Variants in HDAC1 observed in about 807,000 individuals in gnomAD.
HDAC1 encodes protein deacetylase HDAC1.
Under a neutral mutation model 65.5 loss-of-function variants are expected in HDAC1, and 18 were observed. The observed-to-expected ratio is 0.27, with a 90% CI of 0.19 to 0.41. The LOEUF is 0.41. Among genes scored for constraint, HDAC1 ranks in the 10% least tolerant of loss-of-function variants. HDAC1 has a pLI of 1.00. For synonymous variants in HDAC1, 211 were observed against 227.9 expected (o/e 0.93, Z 0.67); for missense variants, 373 against 625.2 (o/e 0.60, Z 4.30).
chr1:32,315,205 G>A (rs140034919), intron 2 of HDAC1, among the ~76,000 whole-genome samples: 15 of 152,296 alleles, frequency 9.8e-5, no homozygotes, highest in Non-Finnish European at 2.1e-4. Flanking sequence ...GGAAGTGTTA[G>A]TGGGGAGGAT....
Position 32,329,228 on chromosome 1 carries a change from A to T in HDAC1, c.729+68A>T. On this transcript the variant is annotated intron_variant, in intron 7 of 13. Coordinates refer to ENST00000373548, the MANE Select transcript of HDAC1 (RefSeq NM_004964.3). The surrounding 1 kb of genome is among the most constrained non-coding windows in gnomAD (Gnocchi z 4.1). ...GGTTGGCGGTGGAGGGGAGCAAAGC[A>T]CCCCCACCATACCTCAGGAATCTCT... 2.2e-6 allele frequency: 2 copies of T among 899,430 alleles called. No homozygotes were observed. Among genetic ancestry groups the T allele is most frequent in the Non-Finnish European group, 3.8e-6 (2 of 528,768 alleles). 55.7% of individuals were successfully genotyped at this position (899,430 alleles called of 1,614,324 possible). A position where few individuals can be genotyped will look rare whatever the true frequency, so the allele number is the denominator to read the frequency against.
At chr1:32,320,612 T>C (rs1641126761) in intron 3 of HDAC1, among the ~76,000 whole-genome samples, 1 of 151,884 alleles carries the variant, frequency 6.6e-6, no homozygotes. Flanking sequence ...ATATTTTAGA[T>C]ACACAGGCCA....
intron 2 of HDAC1, among the ~76,000 whole-genome samples, chr1:32,308,379 G>T (rs537192109): frequency 1.3e-5 from 2 of 152,160 alleles, no homozygotes; most frequent in South Asian, 2.1e-4. Context: ...GTACTTTAAC[G>T]TTTTAAGATT....
rs1641266651 is a variant in HDAC1 at position 32,329,829 on chromosome 1, A to C, written c.729+669A>C. On this transcript the variant is annotated intron_variant, in intron 7 of 13. Transcript: ENST00000373548. This position sits in a 1 kb window ranked among gnomAD's most constrained non-coding sequence, Gnocchi z 4.1. ...GACTTTGGAAAATGAGGAGGTGCCCATGTGAAGAAGGAGGTGATGGCAGTA... is the reference window on the plus strand; with the variant it reads ...GACTTTGGAAAATGAGGAGGTGCCCCTGTGAAGAAGGAGGTGATGGCAGTA... 6.4e-6 allele frequency: 1 copy of C among 156,270 alleles called. No homozygotes were observed. The highest frequency in any genetic ancestry group is 2.4e-5 in the African/African-American group (1 of 41,460). The allele number at this position is 156,270 out of a possible 1,614,324, so 9.7% of individuals were successfully genotyped here.
chr1:32,304,733 C>T (rs535408066), intron 2 of HDAC1, among the ~76,000 whole-genome samples: 1 of 152,146 alleles, frequency 6.6e-6, no homozygotes, highest in South Asian at 2.1e-4. Flanking sequence ...CCACGCCTGG[C>T]TAATTTTTTG....
chr1:32,312,310 C>T, intron 2 of HDAC1, among the ~76,000 whole-genome samples: 1 of 152,126 alleles, frequency 6.6e-6, no homozygotes, highest in Admixed American at 6.6e-5. Context: ...TAACCTCTCT[C>T]TTCTATAGTT....
chr1:32,306,820 TA>T (rs1383041248), intron 2 of HDAC1, among the ~76,000 whole-genome samples: 3 of 152,178 alleles, frequency 2.0e-5, no homozygotes, highest in Non-Finnish European at 4.4e-5. Context: ...CTGTATCCTA[TA>T]TATGTTATAT....
intron 3 of HDAC1, among the ~76,000 whole-genome samples, chr1:32,320,368 T>C (rs986809321): frequency 4.6e-5 from 7 of 152,306 alleles, no homozygotes; most frequent in Middle Eastern, 3.4e-3. Flanking sequence ...TTGAGAGCCT[T>C]GACCAGAAGT....
chr1:32,299,619 C>T (rs1472307760), intron 1 of HDAC1, among the ~76,000 whole-genome samples: 1 of 152,142 alleles, frequency 6.6e-6, no homozygotes, highest in Non-Finnish European at 1.5e-5. Flanking sequence ...GTGCCTAGAG[C>T]TCTGCCTCAT....
At chr1:32,306,971 C>A (rs572457084) in intron 2 of HDAC1, among the ~76,000 whole-genome samples, 1 of 152,204 alleles carries the variant, frequency 6.6e-6, no homozygotes, top group East Asian at 1.9e-4. Flanking sequence ...CCTGGCCGGG[C>A]GTGGTGGCTC....
chr1:32,323,928 C>T (rs1351137473), intron 3 of HDAC1, among the ~76,000 whole-genome samples: 1 of 152,084 alleles, frequency 6.6e-6, no homozygotes, highest in African/African-American at 2.4e-5. Context: ...AAGTTGCTAA[C>T]TGCTTCTCCA....
chr1:32,327,669 G>A lies in HDAC1; in HGVS notation c.628G>A (p.Asp210Asn), dbSNP rs750687818. 3 of 1,614,082 alleles carry A rather than the reference G, an allele frequency of 1.9e-6. No individual in the cohort carries two copies. In the Admixed American group the frequency reaches 5.0e-5, roughly 27 times the overall value. ...TGGAGAGTACTTCCCAGGAACTGGG[G>A]ACCTACGGGTGAGAACGCCCTTTAG... The part of the protein sequence containing the change: ...KYGEYFPGTG[D>N]LRDIGAGKGK... Residue 210 changes from aspartate to asparagine, a missense_variant, in exon 6 of 14, where the codon GAC becomes AAC. By Grantham distance (23) the Asp-to-Asn change is conservative. Transcript: ENST00000373548. This position sits in a 1 kb window ranked among gnomAD's most constrained non-coding sequence, Gnocchi z 6.0.
intron 2 of HDAC1, among the ~76,000 whole-genome samples, chr1:32,313,292 G>A (rs1326242762): frequency 4.0e-5 from 6 of 151,550 alleles, no homozygotes; most frequent in Non-Finnish European, 7.4e-5. Flanking sequence ...ATGGGGTTTC[G>A]CTGTGTTGGC....
intron 2 of HDAC1, among the ~76,000 whole-genome samples, chr1:32,304,881 A>C (rs575576096): frequency 1.4e-4 from 22 of 152,052 alleles, no homozygotes; most frequent in Non-Finnish European, 1.0e-4. Context: ...GCTAATTCAG[A>C]AAAATTTTTT....
intron 4 of HDAC1, among the ~76,000 whole-genome samples, chr1:32,325,956 G>A (rs1641211696): frequency 6.6e-6 from 1 of 151,930 alleles, no homozygotes; most frequent in South Asian, 2.1e-4. Context: ...GAACCTGGGA[G>A]GCGGAGGTTG....
chr1:32,323,969 G>A (rs1368948610), intron 3 of HDAC1, among the ~76,000 whole-genome samples: 1 of 152,090 alleles, frequency 6.6e-6, no homozygotes, highest in Non-Finnish European at 1.5e-5. Context: ...TCTGACCAGT[G>A]GGTGAGGTGG....
At chr1:32,328,521 A>T (rs940643322) in intron 6 of HDAC1, among the ~76,000 whole-genome samples, 1 of 152,118 alleles carries the variant, frequency 6.6e-6, no homozygotes, top group Non-Finnish European at 1.5e-5. Context: ...GGGTTTTGCC[A>T]TGTTGGCCAG....
At chr1:32,316,919 T>G in intron 3 of HDAC1, 137 bp downstream of exon 3, 1 of 675,160 alleles carries the variant, frequency 1.5e-6, no homozygotes, top group Non-Finnish European at 2.7e-6. Flanking sequence ...GGTGCCAGAG[T>G]GCTTTTTCCC....
chr1:32,326,545 T>C (rs1164377132), intron 4 of HDAC1, among the ~76,000 whole-genome samples: 1 of 152,052 alleles, frequency 6.6e-6, no homozygotes, highest in Non-Finnish European at 1.5e-5. Flanking sequence ...AGGATACATA[T>C]AACATATGCA....
Sources: allele counts gnomAD v4.1 joint callset (sites outside exome capture counted in the v4.1 genomes callset), GRCh38; gene constraint gnomAD v4.1.1; non-coding constraint Gnocchi (gnomAD v3.1); transcripts MANE v1.5; gene names NCBI Gene and HGNC (gene_info 2026-07-23, HGNC 2026-07-21).